The following PASD1 variants were observed in gnomAD, a reference collection of about 807,000 sequenced individuals.
PASD1 encodes PAS domain containing repressor 1.
A neutral mutation model predicts 58.8 loss-of-function variants in PASD1; 13 were observed. The ratio of observed to expected loss-of-function variants is 0.22; its 90% confidence interval spans 0.14 to 0.35. The LOEUF is 0.35. Among genes scored for constraint, PASD1 ranks in the 10% least tolerant of loss-of-function variants. PASD1 has a pLI of 1.00. For missense variants in PASD1, 734 were observed against 568.3 expected, an observed-to-expected ratio of 1.29 and a Z score of -2.96; for synonymous variants, 236 against 216.7, an observed-to-expected ratio of 1.09 and a Z score of -0.78.
chrX:151,581,508 T>C (rs73628704), intron 1 of PASD1, among the ~76,000 whole-genome samples: 45,857 of 108,913 alleles, frequency 0.42, 7,409 homozygotes, highest in Non-Finnish European at 0.46. Context: ...GAGTATCACT[T>C]GAGCCCGGAG....
At chrX:151,585,693 T>C (rs2013154064) in intron 1 of PASD1, among the ~76,000 whole-genome samples, 2 of 111,541 alleles carry the variant, frequency 1.8e-5, no homozygotes, top group Admixed American at 1.9e-4. Context: ...AGAGATGTTA[T>C]GAAAATTGAC....
chrX:151,634,718 C>A (rs1379917262), intron 8 of PASD1, among the ~76,000 whole-genome samples: 2 of 111,580 alleles, frequency 1.8e-5, no homozygotes, highest in Non-Finnish European at 3.8e-5. Context: ...ACCACAGAAG[C>A]AATGTTGTAT....
At chrX:151,673,379 G>A (rs753457414) in intron 14 of PASD1, 1 of 119,098 alleles carries the variant, frequency 8.4e-6, no homozygotes, top group Non-Finnish European at 1.8e-5. Context: ...TTCCTTCTGG[G>A]CCTTGCTTTC....
intron 1 of PASD1, among the ~76,000 whole-genome samples, chrX:151,598,240 C>T (rs760722144): frequency 2.3e-4 from 26 of 111,473 alleles, no homozygotes; most frequent in Non-Finnish European, 4.7e-4. Flanking sequence ...ATGTTCAAAT[C>T]GATCAGGTTT....
Position 151,583,947 on chromosome X carries a change from A to G in PASD1, c.-27-17580A>G, listed in dbSNP as rs1021018472. On this transcript the variant is annotated intron_variant, in intron 1 of 15. Coordinates refer to ENST00000370357, the MANE Select transcript of PASD1 (RefSeq NM_173493.3). The stretch of plus-strand genomic sequence containing the variant: ...GATAGTTCTATCAGTTCTCAGCTAG[A>G]TTTTTATAAGATGTCAATTTGGAGA... Among the ~76,000 whole-genome samples the G allele has an allele frequency of 2.7e-5, 3 of 112,246 alleles. No homozygotes were observed. In the Admixed American group the frequency reaches 2.8e-4, roughly 11 times the overall value.
At chrX:151,568,866 C>T (rs2012886674) in intron 1 of PASD1, among the ~76,000 whole-genome samples, 1 of 111,280 alleles carries the variant, frequency 9.0e-6, no homozygotes, top group African/African-American at 3.3e-5. Context: ...ACTTCTCCAT[C>T]CGTGTGGTAT....
chrX:151,599,127 A>T (rs1344441951), intron 1 of PASD1, among the ~76,000 whole-genome samples: 2 of 112,002 alleles, frequency 1.8e-5, no homozygotes, highest in Non-Finnish European at 3.8e-5. Context: ...TTCAGAGAGC[A>T]TGGGGTTGGG....
chrX:151,610,700 T>A (rs1437380931), intron 3 of PASD1, among the ~76,000 whole-genome samples: 3 of 111,373 alleles, frequency 2.7e-5, no homozygotes, highest in African/African-American at 9.8e-5. Flanking sequence ...TTATTAGACA[T>A]ATGGGGTCAG....
chrX:151,582,012 A>C (rs1602907707), intron 1 of PASD1, among the ~76,000 whole-genome samples: 1 of 62,979 alleles, frequency 1.6e-5, no homozygotes, highest in South Asian at 1.1e-3. Context: ...TTTGAGAAGG[A>C]GTCTCGCTCT....
At chrX:151,621,366 A>G in intron 5 of PASD1, 116 bp from the exon 6 acceptor site, 1 of 592,191 alleles carries the variant, frequency 1.7e-6, no homozygotes, top group Non-Finnish European at 2.6e-6. Flanking sequence ...CGTGGAAAGA[A>G]AATAATATTT....
chrX:151,644,714 C>A (rs966977185), intron 8 of PASD1, among the ~76,000 whole-genome samples: 1 of 107,026 alleles, frequency 9.3e-6, no homozygotes, highest in Non-Finnish European at 1.9e-5. Context: ...CAGATTACAA[C>A]GTAATTTTTC....
At chrX:151,572,808 T>C (rs1465492362) in intron 1 of PASD1, among the ~76,000 whole-genome samples, 2 of 107,906 alleles carry the variant, frequency 1.9e-5, no homozygotes, top group Non-Finnish European at 3.8e-5. Flanking sequence ...TATTAAGTCA[T>C]CTGTATAAGT....
In PASD1 at chrX:151,621,026, T is replaced by G. The variant is rs144931156; in HGVS notation, c.304T>G (p.Ser102Ala). ...KIILKFPLLN[S>A]ETHIEFCCHL... ...TATTCTCAAATTTCCTTTACTAAAC[T>G]CAGGTATGTATATTTTTAAAAGTAG... Residue 102 changes from serine to alanine, a missense_variant, in exon 5 of 16, where the codon TCA becomes GCA. Transcript: ENST00000370357. 1.5e-5 allele frequency: 17 copies of G among 1,162,609 alleles called. No individual in the cohort carries two copies. The highest frequency in any genetic ancestry group is 2.2e-5 in the Admixed American group (1 of 44,774).
intron 9 of PASD1, among the ~76,000 whole-genome samples, chrX:151,655,848 C>A (rs1341466713): frequency 4.5e-5 from 5 of 112,016 alleles, no homozygotes; most frequent in Non-Finnish European, 9.4e-5. Context: ...TGCAGAAGCT[C>A]TTTAGTTGAA....
chrX:151,668,072 C>G (rs1385538399), intron 11 of PASD1, among the ~76,000 whole-genome samples: 1 of 111,167 alleles, frequency 9.0e-6, no homozygotes, highest in East Asian at 2.8e-4. Flanking sequence ...GACGGCATCC[C>G]TGTCTTGTGC....
At position 151,674,024 on chromosome X, in the gene PASD1, G is replaced by A; in HGVS notation, c.2013G>A (p.Gln671=). Residue 671 remains glutamine (Q), a synonymous_variant, in exon 15 of 16, where the codon CAG becomes CAA. Transcript: ENST00000370357. ...SEAISSSSIP[Q]FPITSDSTIS... ...CAATTTCTTCTTCCAGCATTCCTCA[G>A]TTTCCCATAACTTCAGACTCAACCA... 1 of 1,211,611 alleles carries A rather than the reference G, an allele frequency of 8.3e-7. No individual in the cohort carries two copies. Among genetic ancestry groups the A allele is most frequent in the Non-Finnish European group, 1.1e-6 (1 of 895,273 alleles).
At chrX:151,646,029 G>A (rs1283690279) in intron 8 of PASD1, among the ~76,000 whole-genome samples, 1 of 110,300 alleles carries the variant, frequency 9.1e-6, no homozygotes, top group African/African-American at 3.3e-5. Flanking sequence ...TCCCACTTCA[G>A]CCTCCTGAAT....
intron 4 of PASD1, among the ~76,000 whole-genome samples, chrX:151,615,213 G>A (rs2013622744): frequency 9.7e-6 from 1 of 103,405 alleles, no homozygotes; most frequent in Non-Finnish European, 2.1e-5. Flanking sequence ...GATGGTGTTA[G>A]TTATGATATG....
intron 1 of PASD1, among the ~76,000 whole-genome samples, chrX:151,599,763 C>T (rs1413829238): frequency 8.5e-5 from 9 of 105,891 alleles, no homozygotes; most frequent in East Asian, 3.1e-4. Flanking sequence ...TGGGAAGAGG[C>T]GCTCCTCACT....
Sources: gnomAD v4.1 joint callset for allele counts (sites outside exome capture counted in the v4.1 genomes callset) on GRCh38, gnomAD v4.1.1 for gene constraint, MANE v1.5 for transcripts, NCBI Gene and HGNC (gene_info 2026-07-23, HGNC 2026-07-21) for gene names.